The following KIAA1958 variants were observed in gnomAD, a reference collection of about 807,000 sequenced individuals.
KIAA1958 encodes the protein KIAA1958, also known as uncharacterized protein KIAA1958.
KIAA1958 carries 14 observed loss-of-function variants against 47.2 expected under a neutral mutation model. The observed-to-expected ratio is 0.30, with a 90% confidence interval of 0.20 to 0.46. The LOEUF (loss-of-function observed/expected upper bound fraction) is 0.46. KIAA1958 is among the 20% of genes least tolerant of loss of function. The pLI is 1.00. For synonymous variants in KIAA1958, 354 were observed against 353.3 expected (o/e 1.00, Z -0.02); for missense variants, 803 against 909.2 (o/e 0.88, Z 1.50).
intron 1 of KIAA1958, among the ~76,000 whole-genome samples, chr9:112,508,031 C>T (rs1299897299): frequency 6.6e-6 from 1 of 152,016 alleles, no homozygotes; most frequent in East Asian, 1.9e-4. Context: ...TCTATATATA[C>T]AACCTATAAT....
In KIAA1958 at chr9:112,488,090, A is replaced by G. The variant is rs144069056; in HGVS notation, c.-25+972A>G. On this transcript the variant is annotated intron_variant, in intron 1 of 3. Transcript: ENST00000337530. ...AGCCAGTCAGGTAGTGACAGCTTCC[A>G]TGGTGGAGGTTAAATTGGAGTGCAA... Among the ~76,000 whole-genome samples the G allele has an allele frequency of 5.7e-4, 87 of 152,180 alleles. 1 individual carries two copies. Among genetic ancestry groups the G allele is most frequent in the African/African-American group, 2.0e-3 (82 of 41,508 alleles).
chr9:112,499,650 G>GTTC (rs1834099481), intron 1 of KIAA1958, among the ~76,000 whole-genome samples: 5 of 148,328 alleles, frequency 3.4e-5, no homozygotes, highest in Middle Eastern at 3.5e-3. Flanking sequence ...GTAGATAAAA[G>GTTC]TCTTAACACA....
At chr9:112,533,183 T>C (rs936163794) in intron 1 of KIAA1958, among the ~76,000 whole-genome samples, 8 of 151,980 alleles carry the variant, frequency 5.3e-5, no homozygotes, top group African/African-American at 1.9e-4. Flanking sequence ...TGAGTATTCT[T>C]ATATATATAA....
chr9:112,570,528 A>G (rs556484375), intron 1 of KIAA1958, among the ~76,000 whole-genome samples: 1 of 152,234 alleles, frequency 6.6e-6, no homozygotes, highest in Non-Finnish European at 1.5e-5. Flanking sequence ...TGCAGCACCA[A>G]TAATAATTAG....
At chr9:112,490,487 A>T (rs746021439) in intron 1 of KIAA1958, among the ~76,000 whole-genome samples, 5 of 152,100 alleles carry the variant, frequency 3.3e-5, no homozygotes, top group Non-Finnish European at 7.4e-5. Flanking sequence ...CTGAAATTGC[A>T]CTCTGCCTGT....
At chr9:112,497,149 ATTATAT>A (rs1834061557) in intron 1 of KIAA1958, among the ~76,000 whole-genome samples, 1 of 152,176 alleles carries the variant, frequency 6.6e-6, no homozygotes, top group Admixed American at 6.5e-5. Flanking sequence ...ATATTGCAAA[ATTATAT>A]TTATAATATT....
intron 2 of KIAA1958, among the ~76,000 whole-genome samples, chr9:112,627,349 A>G (rs917930415): frequency 3.9e-5 from 6 of 152,218 alleles, no homozygotes; most frequent in Non-Finnish European, 7.3e-5. Flanking sequence ...TAGCGGTAGA[A>G]TTTCCCTTGA....
At chr9:112,547,377 C>CA (rs58406658) in intron 1 of KIAA1958, among the ~76,000 whole-genome samples, 40 of 83,984 alleles carry the variant, frequency 4.8e-4, no homozygotes, top group Non-Finnish European at 7.8e-4. Flanking sequence ...GACTCTGTCT[C>CA]AAAAAAAAAA....
intron 2 of KIAA1958, chr9:112,581,647 C>G: frequency 6.6e-6 from 1 of 152,486 alleles, no homozygotes; most frequent in Non-Finnish European, 1.5e-5. Context: ...TGGAACTGAT[C>G]TTTGGGGGCA....
chr9:112,618,559 T>C lies in KIAA1958; in HGVS notation c.1172-27091T>C, dbSNP rs1836445125. 1 of 1,550,584 alleles carries C rather than the reference T, an allele frequency of 6.4e-7. No individual in the cohort carries two copies. Among genetic ancestry groups the C allele is most frequent in the Non-Finnish European group, 8.7e-7 (1 of 1,147,022 alleles). On this transcript the variant is annotated intron_variant, in intron 2 of 3. Transcript: ENST00000337530. The surrounding 1 kb of genome is among the most constrained non-coding windows in gnomAD (Gnocchi z 7.1). ...CACAGACCTGCCCTGTCCAGGACTA[T>C]AAGGAGTATGCCCAGCGGCGGCCTC... is the stretch of plus-strand genomic sequence containing the variant.
At chr9:112,619,318 C>G (rs1836459507) in intron 2 of KIAA1958, 1 of 152,136 alleles carries the variant, frequency 6.6e-6, no homozygotes, top group Non-Finnish European at 1.5e-5. Flanking sequence ...TTTTTTGTCT[C>G]CTTAATAAAT....
At position 112,618,715 on chromosome 9, in the gene KIAA1958, T is replaced by C. The variant is rs1836447737; in HGVS notation, c.1172-26935T>C. The C allele has an allele frequency of 1.3e-6, 2 of 1,550,540 alleles. No homozygotes were observed. The highest frequency in any genetic ancestry group is 1.7e-6 in the Non-Finnish European group (2 of 1,147,014). On this transcript the variant is annotated intron_variant, in intron 2 of 3. Transcript: ENST00000337530. This position sits in a 1 kb window ranked among gnomAD's most constrained non-coding sequence, Gnocchi z 7.1. ...TGGCCAAGATGGTGAAGACCATGTG[T>C]GAGAAGGGCAACATCCCTGGCAGGA...
At chr9:112,525,761 T>C (rs1834627821) in intron 1 of KIAA1958, among the ~76,000 whole-genome samples, 1 of 151,920 alleles carries the variant, frequency 6.6e-6, no homozygotes, top group East Asian at 1.9e-4. Flanking sequence ...TTATTGTTAC[T>C]GTTTTGCATA....
intron 2 of KIAA1958, among the ~76,000 whole-genome samples, chr9:112,636,821 A>G (rs979988704): frequency 1.3e-5 from 2 of 152,138 alleles, no homozygotes; most frequent in African/African-American, 4.8e-5. Flanking sequence ...TCCTTTGCCC[A>G]GCCTGACAAC....
intron 1 of KIAA1958, among the ~76,000 whole-genome samples, chr9:112,525,100 A>G (rs1177668106): frequency 6.6e-6 from 1 of 152,168 alleles, no homozygotes; most frequent in Non-Finnish European, 1.5e-5. Flanking sequence ...TTGGACCTCC[A>G]TCTCCTTGTA....
chr9:112,554,189 G>A (rs908408308), intron 1 of KIAA1958, among the ~76,000 whole-genome samples: 1 of 152,086 alleles, frequency 6.6e-6, no homozygotes, highest in African/African-American at 2.4e-5. Context: ...TGTTCATGAA[G>A]GCACTTACAT....
At chr9:112,589,036 T>C (rs1256171174) in intron 2 of KIAA1958, among the ~76,000 whole-genome samples, 2 of 151,920 alleles carry the variant, frequency 1.3e-5, no homozygotes, top group Non-Finnish European at 2.9e-5. Flanking sequence ...CACCTCAGCC[T>C]CCCAGAGCGC....
At chr9:112,571,423 G>A (rs563599295) in intron 1 of KIAA1958, among the ~76,000 whole-genome samples, 3 of 152,172 alleles carry the variant, frequency 2.0e-5, no homozygotes, top group South Asian at 2.1e-4. Context: ...GAACTATGGC[G>A]TTCAGAATTT....
chr9:112,564,859 CTAGAGT>C (rs1037430716), intron 1 of KIAA1958, among the ~76,000 whole-genome samples: 20 of 152,232 alleles, frequency 1.3e-4, no homozygotes, highest in Admixed American at 1.1e-3. Flanking sequence ...AGCATGGGCT[CTAGAGT>C]AAGACTTAAG....
Sources: allele counts gnomAD v4.1 joint callset (sites outside exome capture counted in the v4.1 genomes callset), GRCh38; gene constraint gnomAD v4.1.1; non-coding constraint Gnocchi (gnomAD v3.1); transcripts MANE v1.5; gene names NCBI Gene and HGNC (gene_info 2026-07-23, HGNC 2026-07-21).